Variants in HDAC9 observed in about 807,000 individuals in gnomAD.
HDAC9 encodes the protein histone deacetylase 9, also known as MEF-2 interacting transcription repressor (MITR) protein.
HDAC9 carries 41 observed loss-of-function variants against 139.4 expected under a neutral mutation model. The observed-to-expected ratio is 0.29, with a 90% CI of 0.23 to 0.38. The LOEUF (loss-of-function observed/expected upper bound fraction) is 0.38. Among genes scored for constraint, HDAC9 ranks in the 10% least tolerant of loss-of-function variants. HDAC9 has a pLI of 1.00. For missense variants in HDAC9, 1,147 were observed against 1,297.0 expected (o/e 0.88, Z 1.78); for synonymous variants, 517 against 476.2 (o/e 1.09, Z -1.12).
chr7:18,722,248 C>A (rs888466181), intron 12 of HDAC9, among the ~76,000 whole-genome samples: 1 of 152,006 alleles, frequency 6.6e-6, no homozygotes, highest in Non-Finnish European at 1.5e-5. Context: ...ACTTTGACTG[C>A]ATAAAAAATA....
chr7:18,717,399 C>G (rs1256128876), intron 12 of HDAC9, among the ~76,000 whole-genome samples: 1 of 151,636 alleles, frequency 6.6e-6, no homozygotes, highest in Non-Finnish European at 1.5e-5. Context: ...AGCACTTCAC[C>G]TTCCACCTCT....
At chr7:18,450,397 T>C (rs931855942) in intron 1 of HDAC9, among the ~76,000 whole-genome samples, 1 of 152,220 alleles carries the variant, frequency 6.6e-6, no homozygotes, top group Non-Finnish European at 1.5e-5. Flanking sequence ...ATGGAAGCCT[T>C]TGCTTTTGGC....
chr7:18,727,386 G>T (rs981860762), intron 12 of HDAC9, among the ~76,000 whole-genome samples, 194 bp from the exon 13 acceptor site: 9 of 152,204 alleles, frequency 5.9e-5, no homozygotes, highest in African/African-American at 2.2e-4. Context: ...CCGTCAGTGT[G>T]AAAACATCTG....
At chr7:18,647,670 A>T in intron 9 of HDAC9, 115 bp from the exon 10 acceptor site, 1 of 809,094 alleles carries the variant, frequency 1.2e-6, no homozygotes, top group Non-Finnish European at 1.9e-6. Context: ...CCATTGGGTA[A>T]GATGGGGCTT....
intron 2 of HDAC9, among the ~76,000 whole-genome samples, chr7:18,584,775 C>T (rs970542324): frequency 9.9e-5 from 15 of 152,176 alleles, no homozygotes; most frequent in Admixed American, 2.0e-4. Context: ...GTCTTTGGTA[C>T]ATCCAATAGT....
In HDAC9 at chr7:18,575,352, AATCTT is replaced by A. The variant is rs542445414; in HGVS notation, c.23-9927_23-9923del. ...CTTTAAAATGGAAGATTTGAAAAAA[AATCTT>A]AGCTTAGCTTGCAGCTTACCAGTTC... On this transcript the variant is annotated intron_variant, in intron 2 of 25. Transcript: ENST00000686413. 3.3e-5 allele frequency among the ~76,000 whole-genome samples: 5 copies of A among 152,258 alleles called. No homozygotes were observed. In the South Asian group the frequency reaches 8.3e-4, roughly 25 times the overall value.
At chr7:18,141,751 G>A (rs143431584) in intron 1 of HDAC9, among the ~76,000 whole-genome samples, 11 of 151,872 alleles carry the variant, frequency 7.2e-5, no homozygotes, top group South Asian at 2.1e-4. Context: ...TATCATTTCC[G>A]TATTACCAAG....
intron 13 of HDAC9, 66 bp from the exon 14 acceptor site, chr7:18,748,939 C>A (rs1041927642): frequency 2.8e-6 from 4 of 1,422,960 alleles, no homozygotes; most frequent in Non-Finnish European, 3.9e-6. Flanking sequence ...ATCATATTAT[C>A]TCCTAACATG....
At position 18,475,201 on chromosome 7, in the gene HDAC9, A is replaced by C. The variant is rs1442359508; in HGVS notation, c.-41-21061A>C. On this transcript the variant is annotated intron_variant, in intron 1 of 3. Transcript: ENST00000413509. ...CCAGGGAATCCACTGCCTTAGTAAC[A>C]AATCTCTGCAAATGGGACAAGAGCC... Among the ~76,000 whole-genome samples, 5 of 152,318 alleles carry C rather than the reference A, an allele frequency of 3.3e-5. No homozygotes were observed. The South Asian group carries it at 6.2e-4, about 19-fold the overall frequency.
At chr7:18,867,604 C>T (rs992440095) in intron 21 of HDAC9, among the ~76,000 whole-genome samples, 4 of 152,100 alleles carry the variant, frequency 2.6e-5, no homozygotes, top group African/African-American at 4.8e-5. Context: ...TTTGAGGACA[C>T]GTTTTTTCTT....
intron 1 of HDAC9, among the ~76,000 whole-genome samples, chr7:18,116,057 G>T (rs1425077635): frequency 6.6e-6 from 1 of 152,138 alleles, no homozygotes; most frequent in African/African-American, 2.4e-5. Context: ...TTCAAGAAAA[G>T]CCTTCTCATG....
At position 18,723,080 on chromosome 7, in the gene HDAC9, G is replaced by A. The variant is rs191265931; in HGVS notation, c.1732-4500G>A. On this transcript the variant is annotated intron_variant, in intron 12 of 25. Transcript: ENST00000686413. ...CAACACAAAATAATTTTAGGATTTC[G>A]TCCCTTGGTAATCATTTTGTCTGGA... is the stretch of plus-strand genomic sequence containing the variant. Among the ~76,000 whole-genome samples, 994 of 151,996 alleles carry A rather than the reference G, an allele frequency of 6.5e-3. 4 individuals are homozygous for A. Among genetic ancestry groups the A allele is most frequent in the Admixed American group, 0.013 (197 of 15,256 alleles).
intron 1 of HDAC9, among the ~76,000 whole-genome samples, chr7:18,326,586 T>C (rs1800464324): frequency 6.6e-6 from 1 of 152,006 alleles, no homozygotes. Context: ...AGGATCTGAT[T>C]AGGAAAAGCA....
intron 25 of HDAC9, among the ~76,000 whole-genome samples, chr7:18,986,391 C>A (rs554608314): frequency 1.8e-5 from 1 of 55,892 alleles, no homozygotes; most frequent in East Asian, 4.1e-4. Context: ...AGATATGTGG[C>A]ATTATTTCTG....
chr7:18,894,449 A>C (rs1174088746), intron 22 of HDAC9, among the ~76,000 whole-genome samples: 2 of 152,124 alleles, frequency 1.3e-5, no homozygotes, highest in Non-Finnish European at 2.9e-5. Context: ...CATTAGCTCT[A>C]TCAAATGTCC....
chr7:18,398,678 T>C (rs1019022798), intron 1 of HDAC9, among the ~76,000 whole-genome samples: 5 of 152,176 alleles, frequency 3.3e-5, no homozygotes, highest in Non-Finnish European at 7.4e-5. Flanking sequence ...TAATTTTACA[T>C]TTAAATATGG....
At chr7:18,230,263 G>A (rs1482595694) in intron 2 of HDAC9, among the ~76,000 whole-genome samples, 1 of 152,174 alleles carries the variant, frequency 6.6e-6, no homozygotes, top group Admixed American at 6.6e-5. Flanking sequence ...AGTGCCCAGT[G>A]AAAAATGAAA....
chr7:18,506,010 C>G (rs1799673678), intron 2 of HDAC9: 1 of 152,122 alleles, frequency 6.6e-6, no homozygotes, highest in Admixed American at 6.5e-5. Context: ...TGAGTTACCT[C>G]CTAATATAAC....
At chr7:18,482,216 A>G (rs1006397462) in intron 1 of HDAC9, among the ~76,000 whole-genome samples, 1 of 151,582 alleles carries the variant, frequency 6.6e-6, no homozygotes, top group Non-Finnish European at 1.5e-5. Flanking sequence ...GGGCACAACC[A>G]TGGACCCTCA....
Sources: allele counts gnomAD v4.1 joint callset (sites outside exome capture counted in the v4.1 genomes callset), GRCh38; gene constraint gnomAD v4.1.1; transcripts MANE v1.5; gene names NCBI Gene and HGNC (gene_info 2026-07-23, HGNC 2026-07-21).